The following DMXL1 variants were observed in gnomAD, a reference collection of about 807,000 sequenced individuals.
The protein encoded by DMXL1 is dmX-like protein 1.
In DMXL1, 99 loss-of-function variants were observed where a neutral mutation model predicts 319.2. The observed-to-expected ratio is 0.31, with a 90% confidence interval of 0.26 to 0.37. The LOEUF (loss-of-function observed/expected upper bound fraction) is 0.37, where lower values mean the gene tolerates loss of function less well. DMXL1 is among the 10% of genes least tolerant of loss of function. DMXL1 has a pLI of 1.00. For synonymous variants in DMXL1, 1,385 were observed against 1,235.2 expected (o/e 1.12, Z -2.54); for missense variants, 3,745 against 3,595.6 (o/e 1.04, Z -1.06).
chr5:119,129,096 A>G (rs2150021688), intron 9 of DMXL1, 115 bp from the exon 10 acceptor site: 2 of 677,662 alleles, frequency 3.0e-6, no homozygotes, highest in East Asian at 5.7e-5. Flanking sequence ...AAAGTGAAAG[A>G]GAAGGACTTT....
intron 19 of DMXL1, among the ~76,000 whole-genome samples, chr5:119,163,733 G>A (rs533855861): frequency 6.6e-6 from 1 of 152,308 alleles, no homozygotes; most frequent in South Asian, 2.1e-4. Context: ...GGACTACCAT[G>A]CCCGGCTAAT....
intron 1 of DMXL1, among the ~76,000 whole-genome samples, chr5:119,094,956 G>C (rs774539434): frequency 5.9e-5 from 9 of 151,838 alleles, no homozygotes; most frequent in Non-Finnish European, 1.3e-4. Flanking sequence ...TCTAGGCTCA[G>C]GTTATCCTCC....
intron 34 of DMXL1, among the ~76,000 whole-genome samples, chr5:119,211,235 G>A (rs1313689519): frequency 6.6e-6 from 1 of 152,020 alleles, no homozygotes; most frequent in Non-Finnish European, 1.5e-5. Context: ...TTACAATGTT[G>A]TTTGTGTTGG....
At chr5:119,157,041 A>T (rs1476724978) in intron 19 of DMXL1, among the ~76,000 whole-genome samples, 1 of 149,724 alleles carries the variant, frequency 6.7e-6, no homozygotes, top group Non-Finnish European at 1.5e-5. Context: ...CCAAGAGTTG[A>T]GGGTCTTACT....
In DMXL1 at chr5:119,150,293, T is replaced by A. The variant is rs1379904473; in HGVS notation, c.4466T>A (p.Leu1489His). The change falls in exon 18 of 44, where the codon CTT (leucine) becomes CAT (histidine). Residue 1489 changes from leucine to histidine, a missense_variant. Physicochemically the swap from Leu to His is moderately conservative, Grantham distance 99 (BLOSUM62 -3). This residue lies in a region of DMXL1 where 2,096 missense variants were observed against 1,985.4 expected (regional missense o/e 1.06). Transcript: ENST00000539542. The stretch of plus-strand genomic sequence containing the variant: ...TTTGGACCTGAGCATGCTCAGGTTC[T>A]TTCTGGCCACTTACTTCATTCTAGT... ...TYFGPEHAQVLSGHLLHSSLP... is the reference protein window; with the variant it reads ...TYFGPEHAQVHSGHLLHSSLP... 1 of 1,613,882 alleles carries A rather than the reference T, an allele frequency of 6.2e-7. No individual in the cohort carries two copies. Among genetic ancestry groups the A allele is most frequent in the Non-Finnish European group, 8.5e-7 (1 of 1,179,874 alleles).
chr5:119,128,355 TC>T lies in DMXL1; in HGVS notation c.1103-853del. 8 of 283,570 alleles carry T rather than the reference TC, an allele frequency of 2.8e-5. No individual in the cohort carries two copies. In the South Asian group the frequency reaches 3.3e-4, roughly 12 times the overall value. 17.6% of individuals were successfully genotyped at this position (283,570 alleles called of 1,614,324 possible). ...ATATTTGATTTGGGAGACTGGAAAATCCCACGTAGACTTCAGGGTTCTTCCG... is the reference window on the plus strand; with the variant it reads ...ATATTTGATTTGGGAGACTGGAAAATCCACGTAGACTTCAGGGTTCTTCCG... On this transcript the variant is annotated intron_variant, in intron 9 of 43. Transcript: ENST00000539542.
chr5:119,222,148 T>A (rs893803782), intron 37 of DMXL1, among the ~76,000 whole-genome samples: 1 of 152,312 alleles, frequency 6.6e-6, no homozygotes, highest in Non-Finnish European at 1.5e-5. Flanking sequence ...ATGGAGTTCC[T>A]TTATAGTTGC....
intron 37 of DMXL1, among the ~76,000 whole-genome samples, chr5:119,223,466 G>C (rs889444994): frequency 1.6e-4 from 24 of 152,042 alleles, no homozygotes; most frequent in Admixed American, 1.4e-3. Context: ...ACGTATAGTA[G>C]GTGTTCAGAA....
intron 34 of DMXL1, among the ~76,000 whole-genome samples, chr5:119,210,553 C>T (rs746498841): frequency 6.6e-6 from 1 of 152,056 alleles, no homozygotes; most frequent in African/African-American, 2.4e-5. Context: ...TTTTCTTTCA[C>T]TAAACTACCT....
At chr5:119,147,848 AT>A (rs1422937977) in intron 17 of DMXL1, among the ~76,000 whole-genome samples, 2 of 152,096 alleles carry the variant, frequency 1.3e-5, no homozygotes, top group African/African-American at 4.8e-5. Context: ...TATTATCCTT[AT>A]TCCAGAGCAG....
intron 13 of DMXL1, among the ~76,000 whole-genome samples, chr5:119,138,135 A>G (rs563799047): frequency 1.1e-4 from 17 of 152,334 alleles, no homozygotes; most frequent in Admixed American, 3.9e-4. Flanking sequence ...CAGGAGAGGG[A>G]AAAAAGGAGC....
intron 35 of DMXL1, among the ~76,000 whole-genome samples, chr5:119,218,619 G>A (rs1013749784): frequency 2.0e-4 from 30 of 152,000 alleles, no homozygotes; most frequent in African/African-American, 7.2e-4. Context: ...ACTACACCCA[G>A]CTAATTTTTG....
At chr5:119,122,788 C>T (rs1379831085) in intron 9 of DMXL1, among the ~76,000 whole-genome samples, 17 of 151,492 alleles carry the variant, frequency 1.1e-4, no homozygotes, top group Middle Eastern at 3.4e-3. Context: ...GATGGGATGG[C>T]GGCCGGGCAG....
intron 1 of DMXL1, among the ~76,000 whole-genome samples, chr5:119,089,311 T>A (rs1368311323): frequency 1.8e-5 from 2 of 109,608 alleles, no homozygotes; most frequent in Non-Finnish European, 3.7e-5. Flanking sequence ...TTTTTTTTTT[T>A]TTTTTTTTTT....
Position 119,105,273 on chromosome 5 carries a change from A to T in DMXL1, c.364+15A>T. ...GGATCCCACAGGTAAGAAAATAAGC[A>T]GGATTAACTAAAATGAAATATCACT... On this transcript the variant is annotated intron_variant, in intron 4 of 43. Transcript: ENST00000539542. 1 of 1,589,588 alleles carries T rather than the reference A, an allele frequency of 6.3e-7. No individual in the cohort carries two copies. Among genetic ancestry groups the T allele is most frequent in the Non-Finnish European group, 8.6e-7 (1 of 1,158,908 alleles).
Position 119,192,607 on chromosome 5 carries a change from G to A in DMXL1, c.7315-1221G>A, listed in dbSNP as rs545698276. Among the ~76,000 whole-genome samples, 5 of 152,144 alleles carry A rather than the reference G, an allele frequency of 3.3e-5. No individual in the cohort carries two copies. In the South Asian group the frequency reaches 1.0e-3, roughly 32 times the overall value. On this transcript the variant is annotated intron_variant, in intron 29 of 43. Transcript: ENST00000539542. ...ACGTGATATCCATGTCAAATGTAGT[G>A]GAAACTTTTAAATTATTTTCTTATC...
chr5:119,078,194 A>G (rs909276873), intron 1 of DMXL1, among the ~76,000 whole-genome samples: 1 of 152,146 alleles, frequency 6.6e-6, no homozygotes, highest in Non-Finnish European at 1.5e-5. Context: ...TGCCAGGGCT[A>G]GTCTGGAACT....
At chr5:119,097,165 A>G (rs1002211314) in intron 1 of DMXL1, among the ~76,000 whole-genome samples, 3 of 152,236 alleles carry the variant, frequency 2.0e-5, no homozygotes, top group Non-Finnish European at 4.4e-5. Context: ...GAAGGAAAGA[A>G]TAGCCTGAGA....
At chr5:119,176,878 A>G (rs947645847) in intron 26 of DMXL1, among the ~76,000 whole-genome samples, 1 of 152,014 alleles carries the variant, frequency 6.6e-6, no homozygotes, top group African/African-American at 2.4e-5. Flanking sequence ...ATAGCGTCAT[A>G]TGCATAGGTT....
Sources: allele counts gnomAD v4.1 joint callset (sites outside exome capture counted in the v4.1 genomes callset), GRCh38; gene constraint gnomAD v4.1.1; regional missense constraint gnomAD v4.1.1; transcripts MANE v1.5; gene names NCBI Gene and HGNC (gene_info 2026-07-23, HGNC 2026-07-21).